GOLGA3: variants seen among roughly 807,000 people sequenced by gnomAD.
GOLGA3 encodes golgin A3.
GOLGA3 carries 75 observed loss-of-function variants against 169.4 expected under a neutral mutation model. That is an observed-to-expected ratio of 0.44 (90% CI 0.37 to 0.54). The LOEUF is 0.54. GOLGA3 is among the 20% of genes least tolerant of loss of function. The pLI is 0.00. For missense variants in GOLGA3, 1,899 were observed against 1,930.0 expected (o/e 0.98, Z 0.30); for synonymous variants, 824 against 822.4 (o/e 1.00, Z -0.03).
chr12:132,797,904 A>T (rs1376969185), intron 9 of GOLGA3, among the ~76,000 whole-genome samples: 3 of 152,208 alleles, frequency 2.0e-5, no homozygotes, highest in African/African-American at 7.2e-5. Context: ...GTAAGCAAAG[A>T]AAATCCTCTC....
Position 132,801,726 on chromosome 12 carries a change from A to G in GOLGA3, c.1800+41T>C, listed in dbSNP as rs372373631. On this transcript the variant is annotated intron_variant, in intron 8 of 23. Coordinates refer to ENST00000450791, the MANE Select transcript of GOLGA3 (RefSeq NM_001389683.1). ...AAAAAGCACCGTTCTACATGAAGAC[A>G]AGAAGCGTGACCTGCCCTGGAAGGT... 1.7e-5 allele frequency: 27 copies of G among 1,556,160 alleles called. 2 individuals carry two copies. The highest frequency in any genetic ancestry group is 3.4e-4 in the Middle Eastern group (2 of 5,958).
At chr12:132,798,185 G>GGA (rs1471048162) in intron 9 of GOLGA3, among the ~76,000 whole-genome samples, 155 bp downstream of exon 9, 1 of 133,436 alleles carries the variant, frequency 7.5e-6, no homozygotes, top group African/African-American at 2.7e-5. Flanking sequence ...GGGGTGGGGG[G>GGA]GGGGTCCCAA....
chr12:132,777,029 G>C lies in GOLGA3; in HGVS notation c.3784C>G (p.Arg1262Gly), dbSNP rs758445674. ...AQFQAELAEA[R>G]AQLQLLQKQL... ...TTCTGCAGGAGCTGGAGCTGTGCCC[G>C]GGCCTCGGCCAGCTCTGCTTGGAAC... Residue 1262 changes from arginine to glycine, a missense_variant, in exon 20 of 24, where the codon CGG (arginine) becomes GGG (glycine). Transcript: ENST00000450791. The surrounding 1 kb of genome is among the most constrained non-coding windows in gnomAD (Gnocchi z 4.7). 1.9e-6 allele frequency: 3 copies of C among 1,611,686 alleles called. No individual in the cohort carries two copies. The highest frequency in any genetic ancestry group is 1.1e-5 in the South Asian group (1 of 90,764).
intron 16 of GOLGA3, 54 bp from the exon 17 acceptor site, chr12:132,782,547 C>T: frequency 7.3e-7 from 1 of 1,373,418 alleles, no homozygotes; most frequent in Admixed American, 1.7e-5. Flanking sequence ...GTGGAGTTCA[C>T]ATACCCCAGA....
At chr12:132,786,646 A>AC in intron 14 of GOLGA3, 47 bp downstream of exon 14, 1 of 324,638 alleles carries the variant, frequency 3.1e-6, no homozygotes, top group Non-Finnish European at 4.5e-6. Flanking sequence ...CGGCCCCCGC[A>AC]CCTCCCACCT....
chr12:132,816,076 T>C (rs962641858), intron 3 of GOLGA3, among the ~76,000 whole-genome samples: 3 of 152,018 alleles, frequency 2.0e-5, no homozygotes, highest in African/African-American at 4.8e-5. Context: ...CGGGTGCATG[T>C]AGTCCCAGCT....
At position 132,782,493 on chromosome 12, in the gene GOLGA3, G is replaced by A; in HGVS notation, c.3268C>T (p.Leu1090Phe). The change falls in exon 17 of 24, where the codon CTT becomes TTT. Residue 1090 changes from leucine (L) to phenylalanine (F), a missense_variant and splice_region_variant. Transcript: ENST00000450791. Reference protein sequence around the residue: ...REKVLELEDELQESRGFRKKI... With the variant: ...REKVLELEDEFQESRGFRKKI... ...TTCCTAAAGCCTCTGGATTCTTGAAGCTGAAACATACCAATGTCACTGTAA... is the reference window on the plus strand; with the variant it reads ...TTCCTAAAGCCTCTGGATTCTTGAAACTGAAACATACCAATGTCACTGTAA... 1 of 1,610,908 alleles carries A rather than the reference G, an allele frequency of 6.2e-7. No individual in the cohort carries two copies. The highest frequency in any genetic ancestry group is 2.2e-5 in the East Asian group (1 of 44,874).
At chr12:132,811,318 C>T (rs1047965793) in intron 4 of GOLGA3, among the ~76,000 whole-genome samples, 5 of 152,072 alleles carry the variant, frequency 3.3e-5, no homozygotes, top group African/African-American at 1.2e-4. Flanking sequence ...CCTACATGCA[C>T]GCCCCTCAAC....
At chr12:132,797,202 A>G (rs1402887536) in intron 9 of GOLGA3, among the ~76,000 whole-genome samples, 1 of 152,152 alleles carries the variant, frequency 6.6e-6, no homozygotes, top group East Asian at 1.9e-4. Flanking sequence ...TTCTCATCCC[A>G]GCCGGGCAGC....
rs545013488 is a variant in GOLGA3 at position 132,777,683 on chromosome 12, G to A, written c.3705C>T (p.Ala1235=). 1.7e-4 allele frequency: 272 copies of A among 1,614,066 alleles called. 5 individuals are homozygous for A. The South Asian group carries it at 2.7e-3, about 16-fold the overall frequency. ...GCACTCACTGAAGGTCGTCGGCCTCGGCCTGCAGCTTCTGCACCAGGTGTT... is the reference window on the plus strand; with the variant it reads ...GCACTCACTGAAGGTCGTCGGCCTCAGCCTGCAGCTTCTGCACCAGGTGTT... ...AKEHLVQKLQ[A]EADDLQIREG... is the part of the protein sequence containing the mutation. Residue 1235 remains alanine (A), a synonymous_variant, in exon 19 of 24, where the codon GCC becomes GCT. Transcript: ENST00000450791. The surrounding 1 kb of genome is among the most constrained non-coding windows in gnomAD (Gnocchi z 4.7).
At chr12:132,811,713 C>T (rs567200241) in intron 4 of GOLGA3, 14 of 167,718 alleles carry the variant, frequency 8.3e-5, no homozygotes, top group Non-Finnish European at 1.3e-4. Flanking sequence ...CCGCCCGCCC[C>T]ACCCTCCCAT....
intron 13 of GOLGA3, 28 bp from the exon 14 acceptor site, chr12:132,786,815 G>A (rs1419404320): frequency 1.4e-6 from 2 of 1,453,500 alleles, no homozygotes; most frequent in South Asian, 1.1e-5. Flanking sequence ...GGCGTGAGGA[G>A]CGGCACTGCC....
chr12:132,780,988 A>G (rs2045571496), intron 17 of GOLGA3, 74 bp from the exon 18 acceptor site: 3 of 1,042,838 alleles, frequency 2.9e-6, no homozygotes, highest in East Asian at 2.4e-5. Flanking sequence ...ACAGCAGGCA[A>G]CGTGACACAC....
rs1003996919 is a variant in GOLGA3 at position 132,798,602 on chromosome 12, C to G, written c.1801-125G>C. The G allele has an allele frequency of 4.2e-6, 3 of 716,412 alleles. No individual in the cohort carries two copies. The Admixed American group carries it at 8.1e-5, about 19-fold the overall frequency. The allele number at this position is 716,412 out of a possible 1,614,324, so 44.4% of individuals were successfully genotyped here. ...CCCCCTCAGTGTCTCCCACGCAAGC[C>G]CCACTACCCACTACACGTCTTCCCA... On this transcript the variant is annotated intron_variant, in intron 8 of 23. Transcript: ENST00000450791.
chr12:132,807,308 T>G lies in GOLGA3; in HGVS notation c.1179-20A>C. On this transcript the variant is annotated intron_variant, in intron 5 of 23. Transcript: ENST00000450791. Reference sequence around the variant, plus strand: ...GACACGCTGGGGACAAAGGCACGGGTCAGGCCTGTGCGAGCCATCCTCATT... The same window carrying G: ...GACACGCTGGGGACAAAGGCACGGGGCAGGCCTGTGCGAGCCATCCTCATT... 7.2e-6 allele frequency: 10 copies of G among 1,393,808 alleles called. No individual in the cohort carries two copies. Among genetic ancestry groups the G allele is most frequent in the African/African-American group, 2.9e-5 (2 of 70,084 alleles). 86.3% of individuals were successfully genotyped at this position (1,393,808 alleles called of 1,614,324 possible).
chr12:132,822,370 A>G (rs988430902), intron 1 of GOLGA3, 59 bp from the exon 2 acceptor site: 3 of 1,009,826 alleles, frequency 3.0e-6, no homozygotes, highest in Non-Finnish European at 4.0e-6. Context: ...AGTATCAATT[A>G]CAAAATTAGC....
intron 3 of GOLGA3, among the ~76,000 whole-genome samples, chr12:132,815,917 G>C (rs1460536564): frequency 6.6e-6 from 1 of 152,198 alleles, no homozygotes; most frequent in Non-Finnish European, 1.5e-5. Context: ...AAACAAAACA[G>C]GCTGGGCCTG....
chr12:132,773,158 C>G lies in GOLGA3; in HGVS notation c.4444G>C (p.Asp1482His). ...CTGCTCTGACTGTGTCTCTGTGGGT[C>G]GCCGCGTGGGCCGGCGTGACCCCCC... Reference protein sequence around the residue: ...PPGGHAGPRGDPQRHSQSRAS... With the variant: ...PPGGHAGPRGHPQRHSQSRAS... Residue 1482 changes from aspartate to histidine, a missense_variant, in exon 24 of 24, where the codon GAC (aspartate) becomes CAC (histidine). Coordinates refer to ENST00000450791, the MANE Select transcript of GOLGA3 (RefSeq NM_001389683.1). 6.3e-7 allele frequency: 1 copy of G among 1,583,980 alleles called. No individual in the cohort carries two copies. Among genetic ancestry groups the G allele is most frequent in the South Asian group, 1.1e-5 (1 of 87,260 alleles).
rs767788001 is a variant in GOLGA3 at position 132,796,101 on chromosome 12, G to A, written c.2220C>T (p.Leu740=). Residue 740 remains leucine, a synonymous_variant, in exon 11 of 24, where the codon CTC becomes CTT. Coordinates refer to ENST00000450791, the MANE Select transcript of GOLGA3 (RefSeq NM_001389683.1). ...CATCGTAGTGTGTCTGCAGGGCATC[G>A]AGGGACTGCTCCCTGCTCTGCAGAG... The part of the protein sequence containing the change: ...QEALQSREQS[L]DALQTHYDEL... 5.6e-6 allele frequency: 9 copies of A among 1,613,006 alleles called. No individual in the cohort carries two copies. Among genetic ancestry groups the A allele is most frequent in the East Asian group, 2.2e-5 (1 of 44,870 alleles).
Sources: gnomAD v4.1 joint callset for allele counts (sites outside exome capture counted in the v4.1 genomes callset) on GRCh38, gnomAD v4.1.1 for gene constraint, Gnocchi (gnomAD v3.1) non-coding constraint, MANE v1.5 for transcripts, NCBI Gene and HGNC (gene_info 2026-07-23, HGNC 2026-07-21) for gene names.